Variants in NFILZ observed in about 807,000 individuals in gnomAD.
The protein encoded by NFILZ is NFIL3 like protein.
Position 8,680,195 on chromosome 19 carries a change from G to GA in NFILZ, c.*2579dup, listed in dbSNP as rs782398185. Among the ~76,000 whole-genome samples, 9 of 58,242 alleles carry GA rather than the reference G, an allele frequency of 1.5e-4. 2 individuals carry two copies. The highest frequency in any genetic ancestry group is 8.4e-4 in the African/African-American group (8 of 9,498). 38.2% of individuals were successfully genotyped at this position (58,242 alleles called of 152,430 possible). On this transcript the variant is annotated 3_prime_UTR_variant, in exon 6 of 6. Coordinates refer to ENST00000691075, the MANE Select transcript of NFILZ (RefSeq NM_001378600.1). ...TGGGCGACAGAGCGAGACTCCATCTGAAAAAAAAAAAAAAAAAAAGGAAAA... is the reference window on the plus strand; with the variant it reads ...TGGGCGACAGAGCGAGACTCCATCTGAAAAAAAAAAAAAAAAAAAAGGAAAA...
At chr19:8,637,111 TGTAGTCCCA>T (rs1386935308) in intron 3 of NFILZ, among the ~76,000 whole-genome samples, 1 of 152,164 alleles carries the variant, frequency 6.6e-6, no homozygotes, top group Non-Finnish European at 1.5e-5. Flanking sequence ...GGCTCATACC[TGTAGTCCCA>T]GTACTTTAAG....
chr19:8,671,208 G>C (rs1568424870), intron 3 of NFILZ, among the ~76,000 whole-genome samples: 1 of 152,076 alleles, frequency 6.6e-6, no homozygotes, highest in East Asian at 1.9e-4. Flanking sequence ...CCATCTCTGA[G>C]AGAGACCCTT....
At chr19:8,640,630 C>T (rs576860821) in intron 3 of NFILZ, among the ~76,000 whole-genome samples, 8 of 152,250 alleles carry the variant, frequency 5.3e-5, no homozygotes, top group East Asian at 1.9e-4. Context: ...AGCAACCCAT[C>T]CCCAGACAAA....
In NFILZ at chr19:8,680,299, TTTCATTCATTCA is replaced by T. The variant is rs57880553; in HGVS notation, c.*2683_*2694del. 1.4e-5 allele frequency among the ~76,000 whole-genome samples: 2 copies of T among 147,846 alleles called. No homozygotes were observed. Among genetic ancestry groups the T allele is most frequent in the African/African-American group, 2.6e-5 (1 of 38,212 alleles). On this transcript the variant is annotated 3_prime_UTR_variant, in exon 6 of 6. Transcript: ENST00000691075. ...GCTTGTGGCTCAGCTATAACAGCAT[TTTCATTCATTCA>T]TTCATTCATTCATTCATTTTTTAAT...
rs140508660 is a variant in NFILZ at position 8,670,550 on chromosome 19, C to T, written c.-163-4001C>T. Among the ~76,000 whole-genome samples the T allele has an allele frequency of 2.0e-3, 308 of 152,312 alleles. 1 individual carries two copies. The highest frequency in any genetic ancestry group is 3.1e-3 in the Non-Finnish European group (213 of 68,018). On this transcript the variant is annotated intron_variant, in intron 3 of 5. Coordinates refer to ENST00000691075, the MANE Select transcript of NFILZ (RefSeq NM_001378600.1). ...GATGAAATAATACTCAAAAGGCAGG[C>T]GCCATGAGACTGGAATACAGTCTGA...
chr19:8,676,730 G>T (rs1156414486), intron 5 of NFILZ, 21 bp from the exon 6 acceptor site: 1 of 152,386 alleles, frequency 6.6e-6, no homozygotes, highest in Non-Finnish European at 1.5e-5. Context: ...ATTACTCCAA[G>T]AACTCTTTCC....
At chr19:8,658,270 A>G (rs1187979301) in intron 3 of NFILZ, among the ~76,000 whole-genome samples, 1 of 152,068 alleles carries the variant, frequency 6.6e-6, no homozygotes, top group Non-Finnish European at 1.5e-5. Context: ...TCTTCCTAAC[A>G]GGCTCAGCTG....
intron 3 of NFILZ, among the ~76,000 whole-genome samples, chr19:8,637,479 G>A (rs1032711107): frequency 7.9e-5 from 12 of 151,694 alleles, no homozygotes; most frequent in South Asian, 2.1e-4. Context: ...AGGGAATGGC[G>A]GTGCATACTT....
chr19:8,670,732 T>C (rs8106010), intron 3 of NFILZ, among the ~76,000 whole-genome samples: 37,652 of 152,134 alleles, frequency 0.25, 4,909 homozygotes, highest in South Asian at 0.35. Flanking sequence ...CTCTGGCTCA[T>C]GCCTGTAATC....
At chr19:8,656,581 G>A (rs2043004657) in intron 3 of NFILZ, among the ~76,000 whole-genome samples, 1 of 149,190 alleles carries the variant, frequency 6.7e-6, no homozygotes, top group Non-Finnish European at 1.5e-5. Context: ...CCAACCTCCT[G>A]TCCTGCCTTT....
intron 3 of NFILZ, among the ~76,000 whole-genome samples, chr19:8,657,169 G>A (rs1417549288): frequency 2.0e-5 from 3 of 151,202 alleles, no homozygotes; most frequent in African/African-American, 7.3e-5. Flanking sequence ...TTTTTGAGAC[G>A]GAGTCTCACT....
chr19:8,668,682 G>A (rs4804075), intron 3 of NFILZ, among the ~76,000 whole-genome samples: 27,984 of 151,980 alleles, frequency 0.18, 3,359 homozygotes, highest in Admixed American at 0.24. Flanking sequence ...TATATATTAG[G>A]GGACTCTGCA....
At chr19:8,658,390 C>T (rs1469726794) in intron 3 of NFILZ, among the ~76,000 whole-genome samples, 1 of 152,000 alleles carries the variant, frequency 6.6e-6, no homozygotes, top group Non-Finnish European at 1.5e-5. Flanking sequence ...TATTCAGCAG[C>T]GTAAATATTT....
At chr19:8,664,854 G>C (rs2146166041) in intron 3 of NFILZ, among the ~76,000 whole-genome samples, 1 of 152,266 alleles carries the variant, frequency 6.6e-6, no homozygotes, top group African/African-American at 2.4e-5. Context: ...GCTGGACCTA[G>C]AGAAGTAGTC....
At chr19:8,638,642 T>G (rs2042905830) in intron 3 of NFILZ, 1 of 151,286 alleles carries the variant, frequency 6.6e-6, no homozygotes, top group Non-Finnish European at 1.5e-5. Context: ...AGATGAAGAG[T>G]TGGTCAAGTC....
intron 3 of NFILZ, among the ~76,000 whole-genome samples, chr19:8,637,815 G>A (rs1488598260): frequency 2.2e-5 from 3 of 138,634 alleles, no homozygotes; most frequent in African/African-American, 7.9e-5. Context: ...GCTGAGGCAG[G>A]AGAATCACCT....
chr19:8,670,593 C>T (rs374919342), intron 3 of NFILZ, among the ~76,000 whole-genome samples: 2 of 152,178 alleles, frequency 1.3e-5, no homozygotes, highest in South Asian at 2.1e-4. Context: ...CTCTCTTTCC[C>T]AAAGGGGTGG....
chr19:8,667,071 A>G (rs1389531108), intron 3 of NFILZ, among the ~76,000 whole-genome samples: 1 of 151,762 alleles, frequency 6.6e-6, no homozygotes, highest in Non-Finnish European at 1.5e-5. Context: ...CTCTCTACCC[A>G]CTGTCCCACC....
chr19:8,658,781 TGAAA>T (rs1471995970), intron 3 of NFILZ, among the ~76,000 whole-genome samples: 19 of 152,126 alleles, frequency 1.2e-4, no homozygotes, highest in Non-Finnish European at 2.2e-4. Flanking sequence ...AGTGGCGTCA[TGAAA>T]GAAAGAGAGA....
Sources: gnomAD v4.1 joint callset for allele counts (sites outside exome capture counted in the v4.1 genomes callset) on GRCh38, gnomAD v4.1.1 for gene constraint, MANE v1.5 for transcripts, NCBI Gene and HGNC (gene_info 2026-07-23, HGNC 2026-07-21) for gene names.